The following UGT3A2 variants were observed in gnomAD, a reference collection of about 807,000 sequenced individuals.
The protein encoded by UGT3A2 is UDP-glycosyltransferase 3A2.
In UGT3A2, 32 loss-of-function variants were observed where a neutral mutation model predicts 39.8. That is an observed-to-expected ratio of 0.80 (90% CI 0.61 to 1.08). The LOEUF is 1.08. Among genes scored for constraint, UGT3A2 ranks in the 50% least tolerant of loss-of-function variants. The probability of loss-of-function intolerance (pLI) is 0.00; values close to 1 mark genes in which losing one functional copy is unlikely to be tolerated. For synonymous variants in UGT3A2, 241 were observed against 230.7 expected, an observed-to-expected ratio of 1.04 and a Z score of -0.40; for missense variants, 611 against 637.1, an observed-to-expected ratio of 0.96 and a Z score of 0.44.
intron 2 of UGT3A2, among the ~76,000 whole-genome samples, chr5:36,063,715 C>T (rs944773901): frequency 1.3e-5 from 2 of 152,198 alleles, no homozygotes; most frequent in Non-Finnish European, 2.9e-5. Flanking sequence ...CAGCTCACTG[C>T]AACTTCTGCC....
At chr5:36,061,325 G>T (rs1010914866) in intron 2 of UGT3A2, among the ~76,000 whole-genome samples, 10 of 151,680 alleles carry the variant, frequency 6.6e-5, no homozygotes, top group Non-Finnish European at 1.5e-4. Context: ...GTGCCATGCT[G>T]GTGCACTGCA....
At chr5:36,036,280 G>T (rs1741828577) in intron 6 of UGT3A2, among the ~76,000 whole-genome samples, 1 of 152,172 alleles carries the variant, frequency 6.6e-6, no homozygotes, top group Non-Finnish European at 1.5e-5. Context: ...TATACATGGA[G>T]CACCTCCATG....
intron 2 of UGT3A2, among the ~76,000 whole-genome samples, chr5:36,054,311 AT>A (rs1372871825): frequency 6.6e-6 from 1 of 152,210 alleles, no homozygotes; most frequent in Non-Finnish European, 1.5e-5. Flanking sequence ...GAATTCAGAC[AT>A]GTATATCTTT....
intron 2 of UGT3A2, among the ~76,000 whole-genome samples, chr5:36,056,175 G>C (rs1051288045): frequency 6.6e-6 from 1 of 152,188 alleles, no homozygotes; most frequent in East Asian, 1.9e-4. Flanking sequence ...CTCTCTGCTT[G>C]TCACTTGTAG....
intron 2 of UGT3A2, among the ~76,000 whole-genome samples, chr5:36,060,768 A>G (rs923214649): frequency 6.6e-6 from 1 of 152,186 alleles, no homozygotes; most frequent in Non-Finnish European, 1.5e-5. Context: ...ACTGTTTAAT[A>G]AGTAGAGTTC....
intron 1 of UGT3A2, among the ~76,000 whole-genome samples, chr5:36,065,516 T>C (rs1449537111): frequency 6.6e-6 from 1 of 152,120 alleles, no homozygotes; most frequent in Non-Finnish European, 1.5e-5. Flanking sequence ...TCTTGGAGCC[T>C]GAGGAAGGAG....
intron 2 of UGT3A2, among the ~76,000 whole-genome samples, chr5:36,055,967 T>C (rs1742498938): frequency 1.3e-5 from 2 of 152,160 alleles, no homozygotes; most frequent in Admixed American, 1.3e-4. Flanking sequence ...ATGTTTTCCT[T>C]TGTTTGTTTC....
chr5:36,043,014 G>T (rs1742059832), intron 4 of UGT3A2, among the ~76,000 whole-genome samples: 1 of 152,150 alleles, frequency 6.6e-6, no homozygotes, highest in East Asian at 1.9e-4. Context: ...AACTTAATCT[G>T]CACTACAGAT....
rs1369231062 is a variant in UGT3A2, at chr5:36,035,463, C to T, written c.*235G>A. On this transcript the variant is annotated 3_prime_UTR_variant, in exon 7 of 7. Coordinates refer to ENST00000282507, the MANE Select transcript of UGT3A2 (RefSeq NM_174914.4). ...CAGCATAGCCCTTGCTGATGGCAAA[C>T]AAAGGAGGACAAGAGGACTGGAAAG... The T allele has an allele frequency of 1.1e-5, 6 of 568,706 alleles. No homozygotes were observed. The highest frequency in any genetic ancestry group is 7.5e-5 in the African/African-American group (4 of 53,214). 35.2% of individuals were successfully genotyped at this position (568,706 alleles called of 1,614,324 possible). A position where few individuals can be genotyped will look rare whatever the true frequency, so the allele number is the denominator to read the frequency against.
chr5:36,064,959 G>T (rs1166986776), intron 1 of UGT3A2, among the ~76,000 whole-genome samples: 2 of 152,162 alleles, frequency 1.3e-5, no homozygotes, highest in African/African-American at 2.4e-5. Flanking sequence ...CAATGATCAA[G>T]TTCTAATTAA....
In UGT3A2 at chr5:36,066,772, C is replaced by G. The variant is rs776226730; in HGVS notation, c.18G>C (p.Val6=). 1.1e-5 allele frequency: 17 copies of G among 1,614,106 alleles called. No homozygotes were observed. The Admixed American group carries it at 1.7e-4, about 16-fold the overall frequency. Residue 6 remains valine, a synonymous_variant, in exon 1 of 7, where the codon GTG becomes GTC. Coordinates refer to ENST00000282507, the MANE Select transcript of UGT3A2 (RefSeq NM_174914.4). MAGQR[V]LLLVGFLLPG... is the part of the protein sequence containing the mutation. ...GGAGAAGGAAGCCCACTAGAAGAAG[C>G]ACTCGCTGCCCAGCCATGCTCACTT...
In UGT3A2 at chr5:36,037,954, G is replaced by A. The variant is rs1306537958; in HGVS notation, c.1138C>T (p.Gln380Ter). 1.2e-6 allele frequency: 2 copies of A among 1,614,080 alleles called. No individual in the cohort carries two copies. Among genetic ancestry groups the A allele is most frequent in the Admixed American group, 3.3e-5 (2 of 60,006 alleles). Residue 380 changes from glutamine to a stop codon, truncating the protein, a stop_gained, in exon 6 of 7, where the codon CAG (glutamine) becomes TAG (stop). Coordinates refer to ENST00000282507, the MANE Select transcript of UGT3A2 (RefSeq NM_174914.4). LOFTEE classifies it high-confidence loss of function. The stretch of plus-strand genomic sequence containing the variant: ...ATCCCCACCATGGGCACACCATGCT[G>A]GATGGCCTCCATTATGCTATTCTGC... ...GGQNSIMEAI[Q>*]HGVPMVGIPL...
chr5:36,062,646 T>C (rs1289515159), intron 2 of UGT3A2, among the ~76,000 whole-genome samples: 1 of 152,136 alleles, frequency 6.6e-6, no homozygotes, highest in African/African-American at 2.4e-5. Context: ...TTTACTGTAG[T>C]CTTGTAGTAT....
chr5:36,036,671 C>A (rs548949625), intron 6 of UGT3A2, among the ~76,000 whole-genome samples: 37 of 152,254 alleles, frequency 2.4e-4, no homozygotes, highest in African/African-American at 8.9e-4. Context: ...CATGAAATTG[C>A]AAATATATAA....
intron 2 of UGT3A2, 132 bp from the exon 3 acceptor site, chr5:36,052,116 T>A: frequency 1.6e-6 from 1 of 622,510 alleles, no homozygotes; most frequent in East Asian, 3.0e-5. Context: ...TATTTTTTAA[T>A]GTATGCGTTT....
intron 2 of UGT3A2, among the ~76,000 whole-genome samples, chr5:36,059,408 T>C (rs2111764753): frequency 6.6e-6 from 1 of 151,360 alleles, no homozygotes; most frequent in South Asian, 2.1e-4. Flanking sequence ...ATCTTTTTGT[T>C]ATTTCAGGGT....
intron 2 of UGT3A2, among the ~76,000 whole-genome samples, chr5:36,062,395 A>T (rs1297107235): frequency 6.6e-6 from 1 of 152,168 alleles, no homozygotes; most frequent in African/African-American, 2.4e-5. Flanking sequence ...TTAAGTCTTT[A>T]ATCCATCTTG....
intron 2 of UGT3A2, among the ~76,000 whole-genome samples, chr5:36,052,376 G>C (rs959712164): frequency 6.6e-6 from 1 of 151,956 alleles, no homozygotes; most frequent in Non-Finnish European, 1.5e-5. Flanking sequence ...CAGTCAAAAA[G>C]TACTAAAAGA....
Position 36,066,791 on chromosome 5 carries a change from C to G in UGT3A2, c.-2G>C, listed in dbSNP as rs775337527. The G allele has an allele frequency of 1.7e-5, 27 of 1,614,086 alleles. No individual in the cohort carries two copies. The highest frequency in any genetic ancestry group is 2.0e-5 in the Non-Finnish European group (24 of 1,180,032). ...AAGAAGCACTCGCTGCCCAGCCATG[C>G]TCACTTCTACGGAAGCCGCGGATCT... On this transcript the variant is annotated 5_prime_UTR_variant, in exon 1 of 7. Coordinates refer to ENST00000282507, the MANE Select transcript of UGT3A2 (RefSeq NM_174914.4).
Sources: gnomAD v4.1 joint callset for allele counts (sites outside exome capture counted in the v4.1 genomes callset) on GRCh38, gnomAD v4.1.1 for gene constraint, MANE v1.5 for transcripts, NCBI Gene and HGNC (gene_info 2026-07-23, HGNC 2026-07-21) for gene names.